CERT1: variants seen among roughly 807,000 people sequenced by gnomAD.
The protein encoded by CERT1 is ceramide transfer protein.
CERT1 carries 31 observed loss-of-function variants against 87.9 expected under a neutral mutation model. The ratio of observed to expected loss-of-function variants is 0.35; its 90% CI spans 0.27 to 0.48. The LOEUF is 0.48. Ranked by LOEUF, CERT1 falls within the 20% of genes least tolerant of loss-of-function variation. CERT1 has a pLI of 0.99. For missense variants in CERT1, 487 were observed against 758.0 expected (o/e 0.64, Z 4.20); for synonymous variants, 289 against 250.9 (o/e 1.15, Z -1.44).
intron 12 of CERT1, among the ~76,000 whole-genome samples, chr5:75,388,638 A>ATATATATATATATATATC (rs1554034746): frequency 9.3e-6 from 1 of 107,566 alleles, no homozygotes; most frequent in African/African-American, 3.6e-5. Context: ...ATATATATAT[A>ATATATATATATATATATC]TATCTCACAC....
intron 2 of CERT1, among the ~76,000 whole-genome samples, chr5:75,491,994 A>C (rs920854183): frequency 7.9e-5 from 12 of 152,156 alleles, no homozygotes; most frequent in African/African-American, 2.9e-4. Flanking sequence ...ATAATACATA[A>C]AATAGCCAGC....
chr5:75,421,384 G>A (rs1763372848), intron 5 of CERT1, among the ~76,000 whole-genome samples: 2 of 152,056 alleles, frequency 1.3e-5, no homozygotes, highest in African/African-American at 4.8e-5. Context: ...ATAACCACTT[G>A]AAAATGTTGT....
In CERT1 at chr5:75,475,308, C is replaced by T. The variant is rs544456752; in HGVS notation, c.232-16127G>A. Among the ~76,000 whole-genome samples, 122 of 152,246 alleles carry T rather than the reference C, an allele frequency of 8.0e-4. 1 individual carries two copies. Among genetic ancestry groups the T allele is most frequent in the Non-Finnish European group, 7.4e-4 (50 of 67,994 alleles). ...TCAGAAAAATCAAATATAAAAGTTT[C>T]AGCATGGGATCAAAATAAAGAGAGT... On this transcript the variant is annotated intron_variant, in intron 2 of 16. Transcript: ENST00000643780.
At position 75,378,247 on chromosome 5, in the gene CERT1, C is replaced by G. The variant is rs1198209400; in HGVS notation, c.*1099G>C. The G allele has an allele frequency of 6.6e-6, 1 of 152,240 alleles. No individual in the cohort carries two copies. The highest frequency in any genetic ancestry group is 2.4e-5 in the African/African-American group (1 of 41,418). The allele number at this position is 152,240 out of a possible 1,614,324, so 9.4% of individuals were successfully genotyped here. A position where few individuals can be genotyped will look rare whatever the true frequency, so the allele number is the denominator to read the frequency against. On this transcript the variant is annotated 3_prime_UTR_variant, in exon 17 of 17. Transcript: ENST00000643780. The stretch of plus-strand genomic sequence containing the variant: ...CCAGCCTGGCCAACATGGTGAAACC[C>G]TGCCTCTACTAAAAATACAAAAATA...
intron 3 of CERT1, among the ~76,000 whole-genome samples, chr5:75,446,939 A>C (rs997943474): frequency 6.6e-6 from 1 of 152,240 alleles, no homozygotes; most frequent in Admixed American, 6.5e-5. Flanking sequence ...AGGGACCTGC[A>C]ACAATAATGG....
intron 2 of CERT1, among the ~76,000 whole-genome samples, chr5:75,470,542 GAAAAAGCACTGGACAA>G (rs551466636): frequency 7.9e-5 from 12 of 152,158 alleles, no homozygotes; most frequent in Admixed American, 5.9e-4. Flanking sequence ...AATAGATGCA[GAAAAAGCACTGGACAA>G]AATTCAACAT....
intron 2 of CERT1, among the ~76,000 whole-genome samples, chr5:75,503,308 T>C (rs1000062934): frequency 6.6e-6 from 1 of 151,912 alleles, no homozygotes; most frequent in African/African-American, 2.4e-5. Flanking sequence ...AAGAGTGCCA[T>C]ATAAAGAAAT....
chr5:75,405,285 T>C (rs1234828772), intron 8 of CERT1, among the ~76,000 whole-genome samples: 1 of 152,152 alleles, frequency 6.6e-6, no homozygotes, highest in African/African-American at 2.4e-5. Flanking sequence ...TCTCCCTCTC[T>C]AAGCACTCTT....
At chr5:75,465,999 G>C (rs991864187) in intron 2 of CERT1, among the ~76,000 whole-genome samples, 1 of 152,138 alleles carries the variant, frequency 6.6e-6, no homozygotes, top group Admixed American at 6.5e-5. Context: ...ATTTGAAGGA[G>C]ACCTTCCACT....
At position 75,464,681 on chromosome 5, in the gene CERT1, T is replaced by C. The variant is rs187491296; in HGVS notation, c.232-5500A>G. On this transcript the variant is annotated intron_variant, in intron 2 of 16. Transcript: ENST00000643780. ...ACCTCTGCCTCCTGGGCTCACATGA[T>C]CCTCCCACCTCAGCCTCTGGAGTAG... Among the ~76,000 whole-genome samples the C allele has an allele frequency of 6.8e-4, 104 of 152,224 alleles. 1 individual carries two copies. The highest frequency in any genetic ancestry group is 2.4e-3 in the African/African-American group (101 of 41,542).
chr5:75,497,060 A>T (rs1180264203), intron 2 of CERT1, among the ~76,000 whole-genome samples: 1 of 152,236 alleles, frequency 6.6e-6, no homozygotes, highest in Non-Finnish European at 1.5e-5. Context: ...AAGACTATCA[A>T]GAATACACAG....
chr5:75,410,023 T>C (rs1367764914), intron 8 of CERT1, among the ~76,000 whole-genome samples: 1 of 152,092 alleles, frequency 6.6e-6, no homozygotes, highest in African/African-American at 2.4e-5. Context: ...CAGGTTGGTC[T>C]TGAACTCCTG....
chr5:75,447,943 A>C (rs1287177933), intron 3 of CERT1, among the ~76,000 whole-genome samples: 3 of 152,042 alleles, frequency 2.0e-5, no homozygotes, highest in African/African-American at 7.2e-5. Context: ...CCCGGCTTGT[A>C]TTTTCTTACT....
intron 8 of CERT1, chr5:75,410,804 A>C: frequency 2.9e-6 from 1 of 340,818 alleles, no homozygotes; most frequent in South Asian, 8.8e-5. Context: ...AAGCCTTTTG[A>C]AGCCTAAACT....
downstream of CERT1, chr5:75,375,073 GA>G (rs373464740): frequency 1.8e-4 from 32 of 174,718 alleles, no homozygotes; most frequent in South Asian, 8.8e-4. Context: ...ACAGGCACCT[GA>G]AAAAAAAAGG....
At chr5:75,431,759 T>C (rs995336615) in intron 3 of CERT1, among the ~76,000 whole-genome samples, 1 of 152,230 alleles carries the variant, frequency 6.6e-6, no homozygotes, top group Non-Finnish European at 1.5e-5. Flanking sequence ...CTCCTTTTTA[T>C]GGCTGTGTAG....
intron 11 of CERT1, among the ~76,000 whole-genome samples, chr5:75,393,826 G>A (rs998293973): frequency 6.6e-5 from 10 of 151,044 alleles, no homozygotes; most frequent in Admixed American, 2.0e-4. Flanking sequence ...TTAGCTGGGC[G>A]TGGTGGTGCA....
Position 75,511,253 on chromosome 5 carries a change from T to G in CERT1, c.-46A>C. 6.2e-7 allele frequency: 1 copy of G among 1,603,918 alleles called. No homozygotes were observed. The highest frequency in any genetic ancestry group is 8.5e-7 in the Non-Finnish European group (1 of 1,175,374). ...GGAGACCGGCCCCCGCTCCCTCAGCTGCGCCGGAGGAGGCGCCCAGTCCTC... is the reference window on the plus strand; with the variant it reads ...GGAGACCGGCCCCCGCTCCCTCAGCGGCGCCGGAGGAGGCGCCCAGTCCTC... On this transcript the variant is annotated 5_prime_UTR_variant, in exon 1 of 17. Coordinates refer to ENST00000643780, the MANE Select transcript of CERT1 (RefSeq NM_001379029.1).
Position 75,405,899 on chromosome 5 carries a change from T to TC in CERT1, c.931-2842dup, listed in dbSNP as rs549412229. Among the ~76,000 whole-genome samples, 370 of 142,972 alleles carry TC rather than the reference T, an allele frequency of 2.6e-3. 1 individual carries two copies. In the East Asian group the frequency reaches 0.029, roughly 11 times the overall value. The allele number at this position is 142,972 out of a possible 152,430, so 93.8% of individuals were successfully genotyped here. A position where few individuals can be genotyped will look rare whatever the true frequency, so the allele number is the denominator to read the frequency against. ...GGGGGGGGGGGGGTCTTGTAATGTA[T>TC]CCCCCCCAACCACTGATACAATGGG... is the stretch of plus-strand genomic sequence containing the variant. On this transcript the variant is annotated intron_variant, in intron 8 of 16. Coordinates refer to ENST00000643780, the MANE Select transcript of CERT1 (RefSeq NM_001379029.1).
Sources: gnomAD v4.1 joint callset for allele counts (sites outside exome capture counted in the v4.1 genomes callset) on GRCh38, gnomAD v4.1.1 for gene constraint, MANE v1.5 for transcripts, NCBI Gene and HGNC (gene_info 2026-07-23, HGNC 2026-07-21) for gene names.